Variants in OSBPL8 observed in about 807,000 individuals in gnomAD.
OSBPL8 encodes the protein oxysterol binding protein like 8, also known as oxysterol-binding protein-related protein 8.
In OSBPL8, 59 loss-of-function variants were observed where a neutral mutation model predicts 125.5. That is an observed-to-expected ratio of 0.47 (90% confidence interval 0.38 to 0.58). The LOEUF is 0.58. Ranked by LOEUF, OSBPL8 falls within the 20% of genes least tolerant of loss-of-function variation. OSBPL8 has a pLI of 0.00. For synonymous variants in OSBPL8, 330 were observed against 338.9 expected (o/e 0.97, Z 0.29); for missense variants, 758 against 1,047.8 (o/e 0.72, Z 3.82).
In OSBPL8 at chr12:76,392,763, A is replaced by G. The variant is rs1217673169; in HGVS notation, c.758-11T>C. The G allele has an allele frequency of 1.3e-6, 2 of 1,593,266 alleles. No homozygotes were observed. The highest frequency in any genetic ancestry group is 1.1e-5 in the South Asian group (1 of 88,836). ...CCATCCAGCACCTTCCTAAAAGAAC[A>G]CAGATTCATAAGCACTATAATTTTT... On this transcript the variant is annotated splice_polypyrimidine_tract_variant and intron_variant, in intron 9 of 23. Coordinates refer to ENST00000261183, the MANE Select transcript of OSBPL8 (RefSeq NM_020841.5).
At chr12:76,368,765 T>G (rs1249150496) in intron 21 of OSBPL8, among the ~76,000 whole-genome samples, 1 of 152,176 alleles carries the variant, frequency 6.6e-6, no homozygotes, top group Non-Finnish European at 1.5e-5. Flanking sequence ...TTATTGATTT[T>G]CTCAGAGATG....
At chr12:76,518,234 A>C (rs1034311949) in intron 1 of OSBPL8, among the ~76,000 whole-genome samples, 5 of 152,224 alleles carry the variant, frequency 3.3e-5, no homozygotes, top group Admixed American at 6.5e-5. Context: ...AGAAAGGGGC[A>C]ACAGGCCACA....
intron 16 of OSBPL8, among the ~76,000 whole-genome samples, chr12:76,377,275 C>T (rs1318869078): frequency 6.6e-6 from 1 of 152,120 alleles, no homozygotes; most frequent in East Asian, 1.9e-4. Flanking sequence ...ATGTATAACC[C>T]TTTGGGTATA....
intron 1 of OSBPL8, among the ~76,000 whole-genome samples, chr12:76,553,850 A>ATG (rs1248125570): frequency 6.6e-6 from 1 of 151,046 alleles, no homozygotes; most frequent in Non-Finnish European, 1.5e-5. Context: ...GGTGGCATGC[A>ATG]CCCGTAATCC....
chr12:76,357,820 G>C (rs958176247), intron 22 of OSBPL8, among the ~76,000 whole-genome samples: 4 of 150,170 alleles, frequency 2.7e-5, no homozygotes, highest in Non-Finnish European at 5.9e-5. Flanking sequence ...GAGCTCCCTA[G>C]TTCAGTGTAA....
intron 1 of OSBPL8, among the ~76,000 whole-genome samples, chr12:76,517,956 A>G (rs1347274354): frequency 6.6e-6 from 1 of 152,192 alleles, no homozygotes; most frequent in African/African-American, 2.4e-5. Flanking sequence ...ACATTTCAAC[A>G]TGAGATGTGG....
intron 1 of OSBPL8, among the ~76,000 whole-genome samples, chr12:76,553,547 C>T (rs986302020): frequency 6.6e-6 from 1 of 151,428 alleles, no homozygotes; most frequent in Admixed American, 6.6e-5. Flanking sequence ...ATGGTATTCG[C>T]CTGTAGTCCC....
intron 2 of OSBPL8, among the ~76,000 whole-genome samples, chr12:76,468,184 T>C (rs2136895777): frequency 6.6e-6 from 1 of 152,324 alleles, no homozygotes; most frequent in South Asian, 2.1e-4. Flanking sequence ...CAACTTAATT[T>C]TCTAGGCAGT....
chr12:76,377,137 G>A (rs1020810234), intron 16 of OSBPL8, among the ~76,000 whole-genome samples: 3 of 152,136 alleles, frequency 2.0e-5, no homozygotes, highest in Non-Finnish European at 4.4e-5. Context: ...AGTGTTCCAT[G>A]GTGTGTATGT....
intron 1 of OSBPL8, among the ~76,000 whole-genome samples, chr12:76,548,894 T>C (rs1950859491): frequency 1.3e-5 from 2 of 151,650 alleles, no homozygotes; most frequent in African/African-American, 4.8e-5. Flanking sequence ...AAAAGAATGA[T>C]TACAAAAACA....
chr12:76,427,828 G>C (rs1475275740), intron 4 of OSBPL8, among the ~76,000 whole-genome samples: 6 of 152,018 alleles, frequency 3.9e-5, no homozygotes, highest in Non-Finnish European at 8.8e-5. Context: ...ATTTAAAAGT[G>C]TTTTTCAGGA....
At chr12:76,495,012 A>G (rs1461603480) in intron 1 of OSBPL8, among the ~76,000 whole-genome samples, 2 of 152,184 alleles carry the variant, frequency 1.3e-5, no homozygotes, top group East Asian at 3.9e-4. Flanking sequence ...CGGGGCCACT[A>G]ATTAAATTAA....
chr12:76,420,170 A>C (rs1869285900), intron 4 of OSBPL8, among the ~76,000 whole-genome samples: 1 of 152,152 alleles, frequency 6.6e-6, no homozygotes, highest in Non-Finnish European at 1.5e-5. Context: ...TCTACAAATA[A>C]AGATTTTATA....
intron 2 of OSBPL8, among the ~76,000 whole-genome samples, chr12:76,484,568 T>C (rs551109872): frequency 1.3e-5 from 2 of 152,288 alleles, no homozygotes; most frequent in South Asian, 2.1e-4. Flanking sequence ...CTTTGGGAGG[T>C]AGATATTACA....
At chr12:76,463,818 G>T (rs1426588991) in intron 2 of OSBPL8, among the ~76,000 whole-genome samples, 2 of 152,294 alleles carry the variant, frequency 1.3e-5, no homozygotes, top group Non-Finnish European at 2.9e-5. Context: ...ATAAGTAATT[G>T]AGGATTACAT....
At chr12:76,520,524 A>C (rs1008055963) in intron 1 of OSBPL8, among the ~76,000 whole-genome samples, 4 of 152,202 alleles carry the variant, frequency 2.6e-5, no homozygotes, top group Admixed American at 6.5e-5. Context: ...ATGAGGTTAC[A>C]GGATGCTTCT....
rs1285533797 is a variant in OSBPL8, at chr12:76,354,472, C to T, written c.*1417G>A. ...AAACGATTATAATTTTACTATTTCA[C>T]AGCCTCCTCCTACTGAAAGGCAAAT... On this transcript the variant is annotated 3_prime_UTR_variant, in exon 24 of 24. Transcript: ENST00000261183. The T allele has an allele frequency of 2.0e-5, 3 of 151,804 alleles. No individual in the cohort carries two copies. Among genetic ancestry groups the T allele is most frequent in the African/African-American group, 7.3e-5 (3 of 41,370 alleles). The allele number at this position is 151,804 out of a possible 1,614,324, so 9.4% of individuals were successfully genotyped here.
chr12:76,379,335 T>C (rs1440944350), intron 15 of OSBPL8, among the ~76,000 whole-genome samples: 2 of 152,206 alleles, frequency 1.3e-5, no homozygotes, highest in Admixed American at 6.5e-5. Flanking sequence ...TAATTTCTTC[T>C]AAGTTTTCTC....
At chr12:76,384,866 C>G (rs1953237904) in intron 14 of OSBPL8, among the ~76,000 whole-genome samples, 1 of 152,110 alleles carries the variant, frequency 6.6e-6, no homozygotes, top group African/African-American at 2.4e-5. Context: ...ATTAGAAATC[C>G]TGAGCAGGAA....
Sources: gnomAD v4.1 joint callset for allele counts (sites outside exome capture counted in the v4.1 genomes callset) on GRCh38, gnomAD v4.1.1 for gene constraint, MANE v1.5 for transcripts, NCBI Gene and HGNC (gene_info 2026-07-23, HGNC 2026-07-21) for gene names.